The following KCNH8 variants were observed in gnomAD, a reference collection of about 807,000 sequenced individuals.
KCNH8 encodes the protein voltage-gated delayed rectifier potassium channel KCNH8.
Under a neutral mutation model 103.6 loss-of-function variants are expected in KCNH8, and 70 were observed. The observed-to-expected ratio is 0.68, with a 90% CI of 0.56 to 0.82. The LOEUF (loss-of-function observed/expected upper bound fraction) is 0.82, where lower values mean the gene tolerates loss of function less well. KCNH8 is among the 40% of genes least tolerant of loss of function. The pLI, the probability that KCNH8 is intolerant of heterozygous loss-of-function variation, is 0.00. For synonymous variants in KCNH8, 498 were observed against 489.4 expected (o/e 1.02, Z -0.23); for missense variants, 1,217 against 1,329.9 (o/e 0.92, Z 1.32).
chr3:19,199,879 G>A (rs1575431036), intron 1 of KCNH8, among the ~76,000 whole-genome samples: 1 of 152,032 alleles, frequency 6.6e-6, no homozygotes, highest in East Asian at 1.9e-4. Flanking sequence ...TATGAACTGG[G>A]TTTTATTCAG....
At chr3:19,379,638 CA>C (rs540674539) in intron 5 of KCNH8, among the ~76,000 whole-genome samples, 5 of 141,678 alleles carry the variant, frequency 3.5e-5, no homozygotes, top group Admixed American at 7.1e-5. Context: ...CACTCTGTCT[CA>C]AAAAAAAAAG....
chr3:19,258,864 A>T (rs143955938), intron 2 of KCNH8, among the ~76,000 whole-genome samples: 30 of 148,084 alleles, frequency 2.0e-4, no homozygotes, highest in South Asian at 1.9e-3. Flanking sequence ...TCTTGTTGAG[A>T]TATATATTAC....
intron 5 of KCNH8, among the ~76,000 whole-genome samples, chr3:19,388,673 C>A (rs1446126967): frequency 6.6e-6 from 1 of 152,062 alleles, no homozygotes; most frequent in Non-Finnish European, 1.5e-5. Flanking sequence ...AAAGTTATAT[C>A]ATTCACAATA....
rs34714826 is a variant in KCNH8, at chr3:19,326,356, A to AATATATATAT, written c.443-16213_443-16204dup. 2.5e-3 allele frequency among the ~76,000 whole-genome samples: 346 copies of AATATATATAT among 135,740 alleles called. 4 individuals carry two copies. The highest frequency in any genetic ancestry group is 7.6e-3 in the Middle Eastern group (2 of 262). The allele number at this position is 135,740 out of a possible 152,430, so 89.1% of individuals were successfully genotyped here. Reference sequence around the variant, plus strand: ...ACCCCTGAACTTACAATGAAAGTTAAATATATATATATATATATATATATA... The same window carrying AATATATATAT: ...ACCCCTGAACTTACAATGAAAGTTAAATATATATATATATATATATATATATATATATATA... On this transcript the variant is annotated intron_variant, in intron 3 of 15. Transcript: ENST00000328405.
intron 11 of KCNH8, among the ~76,000 whole-genome samples, chr3:19,500,318 C>T (rs1440188676): frequency 6.6e-5 from 10 of 152,154 alleles, no homozygotes; most frequent in African/African-American, 2.4e-4. Flanking sequence ...GAGACTTAGA[C>T]TCCCACACAG....
chr3:19,488,586 G>A (rs1011240977), intron 11 of KCNH8, among the ~76,000 whole-genome samples: 2 of 152,110 alleles, frequency 1.3e-5, no homozygotes, highest in African/African-American at 2.4e-5. Context: ...AATTGTGCTG[G>A]ACTCTCCCCT....
chr3:19,294,045 C>T (rs1050871742), intron 3 of KCNH8, among the ~76,000 whole-genome samples: 14 of 152,184 alleles, frequency 9.2e-5, no homozygotes, highest in Middle Eastern at 3.4e-3. Flanking sequence ...AATTCAAAGA[C>T]GATTTTTCAT....
intron 14 of KCNH8, 149 bp from the exon 15 acceptor site, chr3:19,517,849 G>GC (rs1268468566): frequency 1.7e-6 from 1 of 600,258 alleles, no homozygotes; most frequent in African/African-American, 1.9e-5. Context: ...CAAAAAGCTT[G>GC]CCTGATCCCT....
At chr3:19,413,187 C>A (rs2066809234) in intron 7 of KCNH8, among the ~76,000 whole-genome samples, 2 of 148,446 alleles carry the variant, frequency 1.3e-5, no homozygotes, top group Non-Finnish European at 1.5e-5. Flanking sequence ...TATCACATAG[C>A]CAAAAAGAAA....
intron 11 of KCNH8, among the ~76,000 whole-genome samples, chr3:19,494,000 A>T (rs1358820348): frequency 1.3e-5 from 2 of 151,586 alleles, no homozygotes; most frequent in Non-Finnish European, 2.9e-5. Context: ...TGCTTTGCCT[A>T]CTCTCACTCT....
intron 14 of KCNH8, among the ~76,000 whole-genome samples, chr3:19,516,127 A>G (rs1330618306): frequency 6.6e-6 from 1 of 152,086 alleles, no homozygotes; most frequent in African/African-American, 2.4e-5. Flanking sequence ...ATCCAAAACA[A>G]TTACCAGCAA....
chr3:19,336,459 G>A (rs2065586543), intron 3 of KCNH8, among the ~76,000 whole-genome samples: 1 of 151,768 alleles, frequency 6.6e-6, no homozygotes, highest in Non-Finnish European at 1.5e-5. Context: ...TGTTCCATGA[G>A]CATATGAAAA....
chr3:19,281,103 C>A, intron 2 of KCNH8, 95 bp from the exon 3 acceptor site: 1 of 1,342,912 alleles, frequency 7.4e-7, no homozygotes, highest in Non-Finnish European at 1.0e-6. Flanking sequence ...TTGAAGAAAA[C>A]ACTAAGGGCT....
intron 11 of KCNH8, among the ~76,000 whole-genome samples, chr3:19,468,040 C>G (rs2125199396): frequency 6.6e-6 from 1 of 152,282 alleles, no homozygotes; most frequent in South Asian, 2.1e-4. Flanking sequence ...CTGCCCTTAC[C>G]TGACAGTCTG....
chr3:19,370,029 A>G (rs964991421), intron 5 of KCNH8, among the ~76,000 whole-genome samples: 4 of 151,966 alleles, frequency 2.6e-5, no homozygotes, highest in Non-Finnish European at 5.9e-5. Context: ...AATCCCTTCC[A>G]TCACTTGCTA....
intron 11 of KCNH8, among the ~76,000 whole-genome samples, chr3:19,491,301 A>G (rs2068315471): frequency 1.3e-5 from 2 of 152,174 alleles, no homozygotes; most frequent in East Asian, 1.9e-4. Context: ...ATAGTACCCA[A>G]CAAGTAGATT....
intron 1 of KCNH8, among the ~76,000 whole-genome samples, chr3:19,201,279 T>TAAATACTTA (rs1190181271): frequency 6.2e-5 from 7 of 112,998 alleles, no homozygotes; most frequent in African/African-American, 2.5e-4. Flanking sequence ...AAAATTATAG[T>TAAATACTTA]AAATACTTAT....
At chr3:19,253,564 A>G in intron 1 of KCNH8, 90 bp from the exon 2 acceptor site, 1 of 1,045,780 alleles carries the variant, frequency 9.6e-7, no homozygotes, top group East Asian at 2.4e-5. Context: ...GCAGCTAGCT[A>G]AACACATATG....
intron 1 of KCNH8, among the ~76,000 whole-genome samples, chr3:19,242,210 A>AT (rs986344960): frequency 6.6e-6 from 1 of 152,242 alleles, no homozygotes; most frequent in South Asian, 2.1e-4. Context: ...TGATAGTGTG[A>AT]TTTTTCTGCA....
Sources: allele counts gnomAD v4.1 joint callset (sites outside exome capture counted in the v4.1 genomes callset), GRCh38; gene constraint gnomAD v4.1.1; transcripts MANE v1.5; gene names NCBI Gene and HGNC (gene_info 2026-07-23, HGNC 2026-07-21).